NLGN1: variants seen among roughly 807,000 people sequenced by gnomAD.
NLGN1 encodes the protein neuroligin 1, also known as neuroligin-1.
A neutral mutation model predicts 65.5 loss-of-function variants in NLGN1; 12 were observed. The observed-to-expected ratio is 0.18, with a 90% CI of 0.12 to 0.30. The LOEUF is 0.30. Among genes scored for constraint, NLGN1 ranks in the 10% least tolerant of loss-of-function variants. NLGN1 has a pLI of 1.00. For missense variants in NLGN1, 750 were observed against 1,007.1 expected, an observed-to-expected ratio of 0.74 and a Z score of 3.46; for synonymous variants, 350 against 359.5, an observed-to-expected ratio of 0.97 and a Z score of 0.30.
intron 2 of NLGN1, among the ~76,000 whole-genome samples, chr3:173,456,586 A>G (rs759970039): frequency 2.6e-5 from 4 of 152,186 alleles, no homozygotes; most frequent in African/African-American, 4.8e-5. Context: ...TCAAAGACCA[A>G]TTAGCACATT....
chr3:174,175,140 C>T (rs1729212810), intron 4 of NLGN1, among the ~76,000 whole-genome samples: 1 of 151,784 alleles, frequency 6.6e-6, no homozygotes, highest in African/African-American at 2.4e-5. Context: ...GAAGGAATAT[C>T]TATTAGGTTC....
At chr3:173,752,611 A>G (rs1475327399) in intron 3 of NLGN1, among the ~76,000 whole-genome samples, 3 of 152,110 alleles carry the variant, frequency 2.0e-5, no homozygotes, top group Non-Finnish European at 2.9e-5. Flanking sequence ...CTATAGCTGG[A>G]CTTAATTCCC....
chr3:174,256,141 CATTT>C (rs1006616613), intron 4 of NLGN1, among the ~76,000 whole-genome samples: 6 of 152,082 alleles, frequency 3.9e-5, no homozygotes, highest in Admixed American at 6.6e-5. Flanking sequence ...GAAGTTCATT[CATTT>C]GTTATTTATT....
At chr3:173,990,674 A>G (rs1720904007) in intron 4 of NLGN1, among the ~76,000 whole-genome samples, 1 of 152,274 alleles carries the variant, frequency 6.6e-6, no homozygotes, top group South Asian at 2.1e-4. Context: ...TTCTTCAGAT[A>G]ATGTCATCAT....
At chr3:173,508,781 T>C (rs545562956) in intron 2 of NLGN1, among the ~76,000 whole-genome samples, 34 of 152,238 alleles carry the variant, frequency 2.2e-4, no homozygotes, top group Admixed American at 1.9e-3. Flanking sequence ...TTCTCCAGTC[T>C]TATCGAACTC....
chr3:173,609,155 TTGTC>T (rs1751871074), intron 3 of NLGN1, among the ~76,000 whole-genome samples: 2 of 151,938 alleles, frequency 1.3e-5, no homozygotes, highest in Non-Finnish European at 2.9e-5. Context: ...CACAAACACA[TTGTC>T]TGGCTCATGG....
At chr3:173,930,046 G>A (rs1270003149) in intron 4 of NLGN1, among the ~76,000 whole-genome samples, 2 of 151,926 alleles carry the variant, frequency 1.3e-5, no homozygotes, top group African/African-American at 2.4e-5. Context: ...TTTTTCTGAT[G>A]ACACCTGATG....
intron 3 of NLGN1, among the ~76,000 whole-genome samples, chr3:173,766,791 C>T (rs909014547): frequency 5.3e-5 from 8 of 151,926 alleles, no homozygotes; most frequent in Non-Finnish European, 1.0e-4. Context: ...TTGCCTTTTT[C>T]GTTTTTATAA....
chr3:174,223,884 C>G (rs1445996824), intron 4 of NLGN1, among the ~76,000 whole-genome samples: 1 of 152,130 alleles, frequency 6.6e-6, no homozygotes, highest in Non-Finnish European at 1.5e-5. Flanking sequence ...GTTAATGAGA[C>G]TGTATTGTAG....
chr3:173,829,982 G>A (rs1722171849), intron 4 of NLGN1, among the ~76,000 whole-genome samples: 1 of 140,614 alleles, frequency 7.1e-6, no homozygotes. Flanking sequence ...ACTTTGGGTA[G>A]GTTATAGAAT....
Position 174,050,522 on chromosome 3 carries a change from G to GAA in NLGN1, c.647-224788_647-224787dup, listed in dbSNP as rs1025041917. On this transcript the variant is annotated intron_variant, in intron 4 of 6. Transcript: ENST00000457714. ...CACTTTCTTGTTTTCTCAAGCCACT[G>GAA]AAAAAATAATAATTAAAAAAGAAAA... 8.9e-5 allele frequency among the ~76,000 whole-genome samples: 13 copies of GAA among 146,888 alleles called. No individual in the cohort carries two copies. In the East Asian group the frequency reaches 2.0e-3, roughly 23 times the overall value.
At chr3:173,881,348 C>T (rs567552140) in intron 4 of NLGN1, among the ~76,000 whole-genome samples, 4 of 151,526 alleles carry the variant, frequency 2.6e-5, no homozygotes, top group African/African-American at 9.7e-5. Flanking sequence ...CCACCTGCCT[C>T]GGCCTCCCAA....
At chr3:174,284,127 GC>G (rs1482286080) in exon 7 of NLGN1, 1 of 151,252 alleles carries the variant, frequency 6.6e-6, no homozygotes, top group Non-Finnish European at 1.5e-5. Context: ...ACAAAGCATA[GC>G]CCTATTAATT....
chr3:173,757,839 A>G (rs1477183803), intron 3 of NLGN1, among the ~76,000 whole-genome samples: 7 of 152,098 alleles, frequency 4.6e-5, no homozygotes, highest in Non-Finnish European at 8.8e-5. Context: ...TTATAATACG[A>G]TGTCTGAAAC....
At chr3:174,236,980 T>G (rs927482026) in intron 4 of NLGN1, among the ~76,000 whole-genome samples, 2 of 152,134 alleles carry the variant, frequency 1.3e-5, no homozygotes, top group Non-Finnish European at 2.9e-5. Flanking sequence ...TACTATTTAT[T>G]GAGCACCTAT....
chr3:174,141,030 A>G (rs1722184700), intron 4 of NLGN1, among the ~76,000 whole-genome samples: 1 of 152,210 alleles, frequency 6.6e-6, no homozygotes, highest in Admixed American at 6.5e-5. Flanking sequence ...GGAAAATTTT[A>G]AAATGCTTAT....
chr3:173,797,614 G>C (rs1306938676), intron 3 of NLGN1, among the ~76,000 whole-genome samples: 1 of 150,990 alleles, frequency 6.6e-6, no homozygotes, highest in Non-Finnish European at 1.5e-5. Flanking sequence ...CTCACATCAG[G>C]TAAGAGAAAC....
At chr3:174,108,435 G>A (rs377111232) in intron 4 of NLGN1, among the ~76,000 whole-genome samples, 2 of 151,958 alleles carry the variant, frequency 1.3e-5, no homozygotes, top group African/African-American at 4.8e-5. Flanking sequence ...TCAATACCAA[G>A]CCTGGACTAT....
intron 2 of NLGN1, among the ~76,000 whole-genome samples, chr3:173,528,937 G>A (rs1221280770): frequency 8.6e-5 from 13 of 151,986 alleles, no homozygotes; most frequent in East Asian, 1.9e-4. Flanking sequence ...TGTAATTTCC[G>A]AATTTTCATT....
Sources: allele counts gnomAD v4.1 joint callset (sites outside exome capture counted in the v4.1 genomes callset), GRCh38; gene constraint gnomAD v4.1.1; transcripts MANE v1.5; gene names NCBI Gene and HGNC (gene_info 2026-07-23, HGNC 2026-07-21).